PTCHD4: variants seen among roughly 807,000 people sequenced by gnomAD.
The protein encoded by PTCHD4 is patched domain containing 4.
Under a neutral mutation model 58.1 loss-of-function variants are expected in PTCHD4, and 33 were observed. That is an observed-to-expected ratio of 0.57 (90% CI 0.43 to 0.76). The LOEUF is 0.76. PTCHD4 is among the 30% of genes least tolerant of loss of function. The pLI, the probability that PTCHD4 is intolerant of heterozygous loss-of-function variation, is 0.00. For missense variants in PTCHD4, 1,058 were observed against 1,027.1 expected, an observed-to-expected ratio of 1.03 and a Z score of -0.41; for synonymous variants, 478 against 409.6, an observed-to-expected ratio of 1.17 and a Z score of -2.02.
chr6:48,012,875 T>G (rs1189922501), intron 3 of PTCHD4, among the ~76,000 whole-genome samples: 2 of 152,200 alleles, frequency 1.3e-5, no homozygotes, highest in Non-Finnish European at 2.9e-5. Flanking sequence ...TGGATTACAT[T>G]TATTGATTTG....
At chr6:48,072,940 G>A (rs1765001844) in intron 1 of PTCHD4, among the ~76,000 whole-genome samples, 1 of 152,044 alleles carries the variant, frequency 6.6e-6, no homozygotes, top group East Asian at 1.9e-4. Flanking sequence ...GAAAAGCATG[G>A]TTGCTCAATT....
At chr6:47,947,910 T>C (rs1228434691) in intron 4 of PTCHD4, among the ~76,000 whole-genome samples, 2 of 152,198 alleles carry the variant, frequency 1.3e-5, no homozygotes, top group Non-Finnish European at 2.9e-5. Context: ...AAAGGTTTGT[T>C]AAATTTTCTC....
rs140343875 is a variant in PTCHD4, at chr6:48,065,305, A to G, written c.417+2925T>C. Among the ~76,000 whole-genome samples the G allele has an allele frequency of 3.1e-4, 47 of 152,246 alleles. 2 individuals are homozygous for G. In the East Asian group the frequency reaches 3.3e-3, roughly 11 times the overall value. Reference sequence around the variant, plus strand: ...CCGCTATTTATTCTGCAATTTCCTAATTTTCTGCCTTCCAATAGCATTTTC... The same window carrying G: ...CCGCTATTTATTCTGCAATTTCCTAGTTTTCTGCCTTCCAATAGCATTTTC... On this transcript the variant is annotated intron_variant, in intron 3 of 4. Transcript: ENST00000339488.
intron 4 of PTCHD4, among the ~76,000 whole-genome samples, chr6:47,910,317 T>C (rs10948390): frequency 0.55 from 84,337 of 152,022 alleles, 25,081 homozygotes; most frequent in East Asian, 0.78. Context: ...CTCCACAAGA[T>C]GGAGAATCCA....
intron 4 of PTCHD4, among the ~76,000 whole-genome samples, chr6:47,921,766 T>C (rs1274587492): frequency 6.6e-6 from 1 of 152,108 alleles, no homozygotes; most frequent in Non-Finnish European, 1.5e-5. Context: ...AGCCTTGGAC[T>C]GTCCACATTC....
At chr6:47,943,417 C>T (rs576759672) in intron 4 of PTCHD4, among the ~76,000 whole-genome samples, 1 of 152,216 alleles carries the variant, frequency 6.6e-6, no homozygotes, top group African/African-American at 2.4e-5. Flanking sequence ...TAGGGATTGG[C>T]ACTCTGCTAC....
chr6:48,085,854 T>C (rs961959472), intron 1 of PTCHD4, among the ~76,000 whole-genome samples: 2 of 152,184 alleles, frequency 1.3e-5, no homozygotes, highest in African/African-American at 4.8e-5. Context: ...GCGTGCTTAG[T>C]CTGGTAATGG....
chr6:48,013,830 A>G (rs1045440405), intron 3 of PTCHD4, among the ~76,000 whole-genome samples: 9 of 152,132 alleles, frequency 5.9e-5, no homozygotes, highest in African/African-American at 1.4e-4. Flanking sequence ...AGATTTCTCA[A>G]GAGATCTTTA....
chr6:48,040,206 A>T (rs991609565), intron 3 of PTCHD4, among the ~76,000 whole-genome samples: 3 of 152,144 alleles, frequency 2.0e-5, no homozygotes, highest in African/African-American at 7.2e-5. Context: ...AGGTTGGTCT[A>T]TCAATCCAAG....
intron 1 of PTCHD4, among the ~76,000 whole-genome samples, chr6:48,100,309 G>C (rs1033323260): frequency 3.3e-5 from 5 of 152,180 alleles, no homozygotes; most frequent in African/African-American, 1.2e-4. Flanking sequence ...ATTGTAAAAT[G>C]TCTAAACAGT....
intron 3 of PTCHD4, among the ~76,000 whole-genome samples, chr6:48,037,624 T>A (rs1763685969): frequency 6.6e-6 from 1 of 152,160 alleles, no homozygotes; most frequent in Non-Finnish European, 1.5e-5. Context: ...GTTGACAGAA[T>A]TTATGACATG....
chr6:47,882,657 T>C (rs1581821172), intron 4 of PTCHD4, among the ~76,000 whole-genome samples: 3 of 149,860 alleles, frequency 2.0e-5, no homozygotes. Flanking sequence ...TCAATTCTGG[T>C]CATATTAAAA....
intron 1 of PTCHD4, among the ~76,000 whole-genome samples, chr6:48,088,809 C>T (rs1310120440): frequency 2.6e-5 from 4 of 152,040 alleles, no homozygotes; most frequent in Admixed American, 6.6e-5. Flanking sequence ...TCTGGGAGGC[C>T]GAGGCGGGTG....
chr6:48,086,163 G>A (rs1181992651), intron 1 of PTCHD4, among the ~76,000 whole-genome samples: 1 of 152,146 alleles, frequency 6.6e-6, no homozygotes, highest in Non-Finnish European at 1.5e-5. Flanking sequence ...TCACATACTC[G>A]ACTCTGATGT....
Position 47,865,940 on chromosome 6 carries a change from A to C in PTCHD4, c.*12363T>G, listed in dbSNP as rs1179060101. On this transcript the variant is annotated 3_prime_UTR_variant, in exon 5 of 5. Transcript: ENST00000339488. ...CCCTCAAGCTAAATTGAGTTCGTTG[A>C]CCCAGGAACATATTCTGTGCTTTTG... 6.6e-6 allele frequency among the ~76,000 whole-genome samples: 1 copy of C among 151,826 alleles called. No individual in the cohort carries two copies. The highest frequency in any genetic ancestry group is 1.5e-5 in the Non-Finnish European group (1 of 67,872).
chr6:48,080,200 TCAAA>T (rs1193397010), intron 1 of PTCHD4, among the ~76,000 whole-genome samples: 1 of 152,086 alleles, frequency 6.6e-6, no homozygotes, highest in African/African-American at 2.4e-5. Context: ...CTTCAGCCTG[TCAAA>T]CAAAGTGAAG....
chr6:48,097,384 C>A (rs1269324022), intron 1 of PTCHD4, among the ~76,000 whole-genome samples: 1 of 152,054 alleles, frequency 6.6e-6, no homozygotes, highest in Non-Finnish European at 1.5e-5. Context: ...GCATCATTAT[C>A]CCATCTGAAA....
At chr6:47,975,132 G>C (rs968832433) in intron 4 of PTCHD4, among the ~76,000 whole-genome samples, 1 of 152,108 alleles carries the variant, frequency 6.6e-6, no homozygotes, top group Non-Finnish European at 1.5e-5. Flanking sequence ...TGGCCTTTAA[G>C]CTTCATTGTG....
At chr6:47,886,426 C>T (rs1764197126) in intron 4 of PTCHD4, among the ~76,000 whole-genome samples, 2 of 151,978 alleles carry the variant, frequency 1.3e-5, no homozygotes, top group South Asian at 2.1e-4. Flanking sequence ...TTCACTTGAA[C>T]ATGCTAATCA....
Sources: allele counts gnomAD v4.1 joint callset (sites outside exome capture counted in the v4.1 genomes callset), GRCh38; gene constraint gnomAD v4.1.1; transcripts MANE v1.5; gene names NCBI Gene and HGNC (gene_info 2026-07-23, HGNC 2026-07-21).